Variants in CCDC192 observed in about 807,000 individuals in gnomAD.
The protein encoded by CCDC192 is coiled-coil domain containing 192.
At chr5:127,890,559 T>C (rs1313500405) in intron 6 of CCDC192, among the ~76,000 whole-genome samples, 1 of 152,170 alleles carries the variant, frequency 6.6e-6, no homozygotes, top group Non-Finnish European at 1.5e-5. Context: ...ATCTAATCTC[T>C]GGTCCTTCAC....
At chr5:127,727,999 G>T (rs74902206) in intron 2 of CCDC192, among the ~76,000 whole-genome samples, 3 of 152,122 alleles carry the variant, frequency 2.0e-5, no homozygotes, top group African/African-American at 7.2e-5. Flanking sequence ...AGAGAAAAAT[G>T]AATGAAAAGG....
chr5:127,725,344 A>G (rs1244712360), intron 2 of CCDC192, among the ~76,000 whole-genome samples: 2 of 152,220 alleles, frequency 1.3e-5, no homozygotes, highest in African/African-American at 2.4e-5. Context: ...TGATTCCATC[A>G]TCAGCATTAG....
chr5:127,845,167 A>G (rs1182185230), intron 5 of CCDC192, among the ~76,000 whole-genome samples: 2 of 152,210 alleles, frequency 1.3e-5, no homozygotes, highest in Non-Finnish European at 2.9e-5. Flanking sequence ...ATTTTAATAA[A>G]TGGCTGTTAT....
At chr5:127,864,786 T>C (rs772745811) in intron 5 of CCDC192, among the ~76,000 whole-genome samples, 6 of 152,364 alleles carry the variant, frequency 3.9e-5, no homozygotes, top group Middle Eastern at 3.4e-3. Flanking sequence ...CTTGCATACA[T>C]ATAACCCAAT....
At chr5:127,786,346 AAG>A (rs1344634491) in intron 3 of CCDC192, 1 of 632,612 alleles carries the variant, frequency 1.6e-6, no homozygotes, top group Non-Finnish European at 2.9e-6. Context: ...AGAAAAAAAA[AAG>A]AGAGAGATTC....
At chr5:127,788,400 A>G (rs973055236) in intron 3 of CCDC192, among the ~76,000 whole-genome samples, 3 of 151,966 alleles carry the variant, frequency 2.0e-5, no homozygotes, top group African/African-American at 7.3e-5. Context: ...CTTCCAACCT[A>G]TTTGTTTCTT....
intron 5 of CCDC192, among the ~76,000 whole-genome samples, chr5:127,810,958 A>G (rs1181892542): frequency 6.6e-6 from 1 of 152,122 alleles, no homozygotes; most frequent in African/African-American, 2.4e-5. Context: ...CTCCATGTCC[A>G]TGCCTATGGG....
chr5:127,922,648 C>T lies in CCDC192; in HGVS notation c.536-18534C>T, dbSNP rs144969138. On this transcript the variant is annotated intron_variant, in intron 6 of 6. Transcript: ENST00000514853. The stretch of plus-strand genomic sequence containing the variant: ...CCCAGCTACCCAGGAGGCTGAAGTA[C>T]GAGGATCACTTGAGCCCAGGAGGTA... Among the ~76,000 whole-genome samples the T allele has an allele frequency of 1.7e-3, 256 of 152,230 alleles. 6 individuals carry two copies. In the East Asian group the frequency reaches 0.042, roughly 25 times the overall value.
At chr5:127,780,690 T>C (rs58247339) in intron 3 of CCDC192, among the ~76,000 whole-genome samples, 21,871 of 152,110 alleles carry the variant, frequency 0.14, 3,660 homozygotes, top group African/African-American at 0.39. Context: ...TTCTTGCTGA[T>C]TTGTTTGAGT....
chr5:127,926,898 C>A (rs929403120), intron 6 of CCDC192, among the ~76,000 whole-genome samples: 17 of 152,086 alleles, frequency 1.1e-4, no homozygotes, highest in African/African-American at 3.9e-4. Context: ...CACAGGGGAC[C>A]AAAGGAGTAG....
At chr5:127,908,558 G>A (rs549402295) in intron 6 of CCDC192, among the ~76,000 whole-genome samples, 15 of 152,238 alleles carry the variant, frequency 9.9e-5, no homozygotes, top group East Asian at 1.9e-4. Flanking sequence ...TCATGTTGGC[G>A]TTGTCACATG....
At chr5:127,856,691 A>G (rs1214721352) in intron 5 of CCDC192, among the ~76,000 whole-genome samples, 1 of 152,198 alleles carries the variant, frequency 6.6e-6, no homozygotes, top group South Asian at 2.1e-4. Flanking sequence ...AGGGTTATTG[A>G]TTGACCTAAT....
chr5:127,817,112 A>G (rs929932260), intron 5 of CCDC192, among the ~76,000 whole-genome samples: 1 of 152,176 alleles, frequency 6.6e-6, no homozygotes, highest in African/African-American at 2.4e-5. Context: ...TTTTCCACCT[A>G]TTACCGGGTG....
At chr5:127,888,433 A>T (rs897490584) in intron 6 of CCDC192, among the ~76,000 whole-genome samples, 3 of 152,212 alleles carry the variant, frequency 2.0e-5, no homozygotes, top group East Asian at 3.9e-4. Flanking sequence ...CAAAAAAAAA[A>T]GTCAGGACAT....
chr5:127,711,087 T>G (rs2126779393), intron 2 of CCDC192, among the ~76,000 whole-genome samples: 1 of 152,298 alleles, frequency 6.6e-6, no homozygotes, highest in South Asian at 2.1e-4. Flanking sequence ...TTGGCCAAAA[T>G]AGGATCACGA....
intron 6 of CCDC192, among the ~76,000 whole-genome samples, chr5:127,893,803 G>T (rs1752795625): frequency 6.6e-6 from 1 of 151,928 alleles, no homozygotes; most frequent in South Asian, 2.1e-4. Context: ...TACCAAACCA[G>T]GCTTTGTAAG....
At chr5:127,786,817 G>A in intron 3 of CCDC192, 1 of 550,358 alleles carries the variant, frequency 1.8e-6, no homozygotes. Context: ...GCTCCTTCAG[G>A]TGTCTGCCCC....
chr5:127,938,916 G>C (rs1754269509), intron 6 of CCDC192, among the ~76,000 whole-genome samples: 2 of 151,806 alleles, frequency 1.3e-5, no homozygotes, highest in Admixed American at 1.3e-4. Context: ...CTCCTGGGCT[G>C]GAAAGCACAG....
At chr5:127,786,548 T>C in intron 3 of CCDC192, 1 of 668,548 alleles carries the variant, frequency 1.5e-6, no homozygotes, top group East Asian at 2.6e-5. Flanking sequence ...AAATGGTCTC[T>C]CCAAGTCACC....
Sources: gnomAD v4.1 joint callset for allele counts (sites outside exome capture counted in the v4.1 genomes callset) on GRCh38, gnomAD v4.1.1 for gene constraint, MANE v1.5 for transcripts, NCBI Gene and HGNC (gene_info 2026-07-23, HGNC 2026-07-21) for gene names.